MTCH2: variants seen among roughly 807,000 people sequenced by gnomAD.
MTCH2 encodes the protein mitochondrial carrier 2.
A neutral mutation model predicts 50.6 loss-of-function variants in MTCH2; 25 were observed. That is an observed-to-expected ratio of 0.49 (90% CI 0.36 to 0.69). MTCH2 has a LOEUF of 0.69. Ranked by LOEUF, MTCH2 falls within the 30% of genes least tolerant of loss-of-function variation. The probability of loss-of-function intolerance (pLI) is 0.00; values close to 1 mark genes in which losing one functional copy is unlikely to be tolerated. For synonymous variants in MTCH2, 106 were observed against 132.0 expected (o/e 0.80, Z 1.35); for missense variants, 273 against 384.4 (o/e 0.71, Z 2.42).
At chr11:47,604,875 T>C in the MTCH2 span, among the ~76,000 whole-genome samples, 24 of 152,344 alleles carry the variant, frequency 1.6e-4, no homozygotes, top group East Asian at 2.9e-3. Context: ...AGGGGATCTA[T>C]TAGAAACCAT....
intron 9 of MTCH2, 76 bp from the exon 10 acceptor site, chr11:47,627,203 TTTC>T (rs1296503768): frequency 2.6e-6 from 3 of 1,174,802 alleles, no homozygotes; most frequent in African/African-American, 3.2e-5. Flanking sequence ...TTCCTTTTCT[TTTC>T]TTTTCTTTTT....
intron 4 of MTCH2, among the ~76,000 whole-genome samples, chr11:47,635,188 C>T (rs2097307428): frequency 1.3e-5 from 2 of 152,122 alleles, no homozygotes; most frequent in Admixed American, 6.6e-5. Flanking sequence ...AAGTGATCCT[C>T]TCACCTCAAC....
At chr11:47,611,629 C>A in the MTCH2 span, among the ~76,000 whole-genome samples, 1 of 152,178 alleles carries the variant, frequency 6.6e-6, no homozygotes, top group African/African-American at 2.4e-5. Context: ...GGAGAGAGGA[C>A]AAGATTTGTT....
At chr11:47,621,520 C>T (rs1171071906) in intron 12 of MTCH2, among the ~76,000 whole-genome samples, 6 of 151,924 alleles carry the variant, frequency 3.9e-5, no homozygotes, top group African/African-American at 1.5e-4. Context: ...GCAACCTCCA[C>T]CTCCTGGGTT....
intron 5 of MTCH2, among the ~76,000 whole-genome samples, chr11:47,633,904 C>A (rs565856120): frequency 2.0e-5 from 3 of 151,998 alleles, no homozygotes; most frequent in African/African-American, 7.2e-5. Context: ...ACAATTAAGA[C>A]AATGTGAAGA....
At chr11:47,607,125 G>A in the MTCH2 span, among the ~76,000 whole-genome samples, 1 of 151,860 alleles carries the variant, frequency 6.6e-6, no homozygotes, top group African/African-American at 2.4e-5. Context: ...TTACTAGCAA[G>A]TCACTTAAAT....
Position 47,634,737 on chromosome 11 carries a change from G to T in MTCH2, c.307-3C>A. 1 of 1,548,554 alleles carries T rather than the reference G, an allele frequency of 6.5e-7. No homozygotes were observed. The highest frequency in any genetic ancestry group is 8.8e-7 in the Non-Finnish European group (1 of 1,136,226). On this transcript the variant is annotated splice_polypyrimidine_tract_variant and splice_region_variant and intron_variant, in intron 4 of 12. Transcript: ENST00000302503. ...TGTACATTTCCAGGTCCTAACTCCT[G>T]GAAATCAAAATCAAAGAAAATAGAG...
intron 10 of MTCH2, among the ~76,000 whole-genome samples, chr11:47,626,225 T>C (rs2097298046): frequency 6.6e-6 from 1 of 151,992 alleles, no homozygotes; most frequent in Non-Finnish European, 1.5e-5. Context: ...TTTGTAGTTT[T>C]AGTAGAGATG....
chr11:47,631,456 T>C (rs374196200), intron 6 of MTCH2, among the ~76,000 whole-genome samples, 198 bp downstream of exon 6: 3 of 152,134 alleles, frequency 2.0e-5, no homozygotes. Flanking sequence ...TAAGATAGAT[T>C]TTGATAGCCC....
intron 8 of MTCH2, among the ~76,000 whole-genome samples, chr11:47,630,298 C>T (rs908261961): frequency 8.5e-5 from 13 of 152,140 alleles, no homozygotes; most frequent in Non-Finnish European, 1.0e-4. Flanking sequence ...TGAGCCACCA[C>T]GCCCGGCCTC....
At chr11:47,631,744 A>T (rs1444891484) in intron 5 of MTCH2, 33 bp from the exon 6 acceptor site, 2 of 1,612,026 alleles carry the variant, frequency 1.2e-6, no homozygotes, top group Non-Finnish European at 8.5e-7. Context: ...TCTGAAATCT[A>T]AACAAATGAC....
chr11:47,612,139 C>T, the MTCH2 span, among the ~76,000 whole-genome samples: 1 of 152,170 alleles, frequency 6.6e-6, no homozygotes, highest in Admixed American at 6.5e-5. Context: ...TTTGGCCAGG[C>T]ATAGTGGCTT....
chr11:47,621,473 C>T (rs1312967706), intron 12 of MTCH2, among the ~76,000 whole-genome samples: 2 of 151,648 alleles, frequency 1.3e-5, no homozygotes, highest in African/African-American at 4.8e-5. Flanking sequence ...TGCTCTGTCA[C>T]CCAGGCTGGA....
rs560105355 is a variant in MTCH2, at chr11:47,633,356, C to T, written c.369+1316G>A. Among the ~76,000 whole-genome samples the T allele has an allele frequency of 1.5e-4, 23 of 150,354 alleles. 1 individual carries two copies. In the East Asian group the frequency reaches 3.9e-3, roughly 26 times the overall value. On this transcript the variant is annotated intron_variant, in intron 5 of 12. Coordinates refer to ENST00000302503, the MANE Select transcript of MTCH2 (RefSeq NM_014342.4). ...CAATCTCCTGACTTCGTGATCTGCCCGCCTCGGCCTCCCAAGGTGTTGGGA... is the reference window on the plus strand; with the variant it reads ...CAATCTCCTGACTTCGTGATCTGCCTGCCTCGGCCTCCCAAGGTGTTGGGA...
chr11:47,634,602 TTC>T (rs1724209214), intron 5 of MTCH2, 68 bp downstream of exon 5: 2 of 1,223,530 alleles, frequency 1.6e-6, no homozygotes, highest in African/African-American at 3.0e-5. Flanking sequence ...GGCCTGATGA[TTC>T]TGATTCCATA....
chr11:47,623,369 C>CT (rs398016007), intron 11 of MTCH2, among the ~76,000 whole-genome samples: 3 of 120,152 alleles, frequency 2.5e-5, no homozygotes, highest in African/African-American at 9.4e-5. Flanking sequence ...AAGAACCAGT[C>CT]TTTTTTTAAA....
intron 12 of MTCH2, among the ~76,000 whole-genome samples, chr11:47,622,189 T>C (rs2097293918): frequency 6.6e-6 from 1 of 152,178 alleles, no homozygotes; most frequent in Non-Finnish European, 1.5e-5. Context: ...CAATAAAGCT[T>C]TGCCTAGATA....
At chr11:47,620,241 C>T (rs1453475258) in intron 12 of MTCH2, among the ~76,000 whole-genome samples, 1 of 151,820 alleles carries the variant, frequency 6.6e-6, no homozygotes, top group Non-Finnish European at 1.5e-5. Flanking sequence ...CAAACCTGCA[C>T]GTTGTGCACA....
At chr11:47,616,381 C>T (rs2097288413), downstream of MTCH2, among the ~76,000 whole-genome samples, 1 of 151,924 alleles carries the variant, frequency 6.6e-6, no homozygotes, top group African/African-American at 2.4e-5. Context: ...TTTTAAGAGA[C>T]AGAGTCTCAC....
Sources: gnomAD v4.1 joint callset for allele counts (sites outside exome capture counted in the v4.1 genomes callset) on GRCh38, gnomAD v4.1.1 for gene constraint, MANE v1.5 for transcripts, NCBI Gene and HGNC (gene_info 2026-07-23, HGNC 2026-07-21) for gene names.